The following SASH1 variants were observed in gnomAD, a reference collection of about 807,000 sequenced individuals.
The protein encoded by SASH1 is SAM and SH3 domain containing 1.
A neutral mutation model predicts 125.2 loss-of-function variants in SASH1; 44 were observed. The ratio of observed to expected loss-of-function variants is 0.35; its 90% CI spans 0.28 to 0.45. The LOEUF is 0.45. Ranked by LOEUF, SASH1 falls within the 20% of genes least tolerant of loss-of-function variation. SASH1 has a pLI of 1.00. For missense variants in SASH1, 1,426 were observed against 1,614.5 expected (o/e 0.88, Z 2.00); for synonymous variants, 639 against 649.1 (o/e 0.98, Z 0.24).
chr6:148,267,399 G>GTGTGTGTGTGTGTGTGTGTGTGTGTGTGT (rs55909678), upstream of SASH1, among the ~76,000 whole-genome samples: 4 of 142,088 alleles, frequency 2.8e-5, no homozygotes, highest in South Asian at 2.3e-4. Context: ...GTGTGTGTGA[G>GTGTGTGTGTGTGTGTGTGTGTGTGTGTGT]ATGGAGTCTC....
intron 7 of SASH1, among the ~76,000 whole-genome samples, chr6:148,476,293 A>T (rs1778340453): frequency 6.7e-6 from 1 of 150,162 alleles, no homozygotes; most frequent in Non-Finnish European, 1.5e-5. Context: ...AAAAAAAAAA[A>T]GGAAAGCTAT....
chr6:148,292,159 A>G (rs1021353492), intron 1 of SASH1, among the ~76,000 whole-genome samples: 1 of 152,218 alleles, frequency 6.6e-6, no homozygotes, highest in African/African-American at 2.4e-5. Context: ...GTCTTCTGTG[A>G]TGATCTTTTC....
chr6:148,542,489 C>T (rs1341377167), intron 17 of SASH1, among the ~76,000 whole-genome samples: 1 of 152,122 alleles, frequency 6.6e-6, no homozygotes, highest in Admixed American at 6.5e-5. Context: ...CGGGTTCATG[C>T]CATTCTCCCG....
intron 8 of SASH1, among the ~76,000 whole-genome samples, chr6:148,496,367 C>A (rs1443972696): frequency 6.6e-6 from 1 of 152,150 alleles, no homozygotes; most frequent in Non-Finnish European, 1.5e-5. Flanking sequence ...TAATAGTTGT[C>A]TTAGGCTCAT....
At chr6:148,253,972 A>G in the SASH1 span, among the ~76,000 whole-genome samples, 2 of 152,106 alleles carry the variant, frequency 1.3e-5, no homozygotes, top group Non-Finnish European at 2.9e-5. Context: ...TCGGCAGGTC[A>G]AGGTGGGCGG....
At chr6:148,478,345 T>TA (rs1778463171) in intron 7 of SASH1, among the ~76,000 whole-genome samples, 1 of 152,240 alleles carries the variant, frequency 6.6e-6, no homozygotes, top group African/African-American at 2.4e-5. Context: ...TACCCAGCCA[T>TA]AAAAAAGAAT....
chr6:148,348,134 G>A (rs576954437), intron 1 of SASH1, among the ~76,000 whole-genome samples: 1 of 152,212 alleles, frequency 6.6e-6, no homozygotes, highest in Admixed American at 6.5e-5. Context: ...AGCCTCCCAA[G>A]TAGCTGGGAT....
At chr6:148,502,915 ATC>A (rs1487382914) in intron 8 of SASH1, among the ~76,000 whole-genome samples, 2 of 152,130 alleles carry the variant, frequency 1.3e-5, no homozygotes, top group Non-Finnish European at 2.9e-5. Flanking sequence ...GAATTCCTAT[ATC>A]TCTGTGTTTT....
the SASH1 span, among the ~76,000 whole-genome samples, chr6:148,257,638 T>C: frequency 1.3e-5 from 2 of 149,076 alleles, no homozygotes; most frequent in Non-Finnish European, 3.0e-5. Context: ...CTTTTTTTTT[T>C]TTTTTTTTTT....
intron 1 of SASH1, among the ~76,000 whole-genome samples, chr6:148,385,048 C>G (rs1783304839): frequency 6.6e-6 from 1 of 152,160 alleles, no homozygotes; most frequent in Admixed American, 6.5e-5. Flanking sequence ...ATACATTCTT[C>G]TATTCTGTTG....
At chr6:148,501,267 A>G (rs996014871) in intron 8 of SASH1, among the ~76,000 whole-genome samples, 1 of 152,132 alleles carries the variant, frequency 6.6e-6, no homozygotes. Flanking sequence ...CTGATACATG[A>G]GTCATTCAGC....
chr6:148,434,269 G>T (rs1478923738), intron 2 of SASH1, among the ~76,000 whole-genome samples: 1 of 151,946 alleles, frequency 6.6e-6, no homozygotes, highest in African/African-American at 2.4e-5. Context: ...TAGAGATGGG[G>T]TTTCACCGTG....
At chr6:148,270,167 G>A (rs1779029099), upstream of SASH1, among the ~76,000 whole-genome samples, 1 of 152,170 alleles carries the variant, frequency 6.6e-6, no homozygotes, top group Non-Finnish European at 1.5e-5. Context: ...AAGGAAACAG[G>A]CCAGAAACAG....
At chr6:148,510,265 A>G (rs1400220564) in intron 8 of SASH1, among the ~76,000 whole-genome samples, 1 of 152,220 alleles carries the variant, frequency 6.6e-6, no homozygotes, top group East Asian at 1.9e-4. Context: ...TTCTGTTTAC[A>G]ATATTGGAAA....
chr6:148,340,490 CAA>C (rs67188759), upstream of SASH1, among the ~76,000 whole-genome samples: 11,579 of 117,276 alleles, frequency 0.099, 651 homozygotes, highest in East Asian at 0.35. Context: ...GACTCTGTCT[CAA>C]AAAAAAAAAA....
chr6:148,251,952 G>T, the SASH1 span, among the ~76,000 whole-genome samples: 1 of 150,570 alleles, frequency 6.6e-6, no homozygotes, highest in African/African-American at 2.4e-5. Flanking sequence ...TTGTCCTTGC[G>T]ATAGTTTACT....
rs71004291 is a variant in SASH1, at chr6:148,387,905, ATTTTT to A, written c.157-2206_157-2202del. Among the ~76,000 whole-genome samples, 19 of 54,022 alleles carry A rather than the reference ATTTTT, an allele frequency of 3.5e-4. 1 individual carries two copies. Among genetic ancestry groups the A allele is most frequent in the East Asian group, 1.0e-3 (2 of 1,940 alleles). 35.4% of individuals were successfully genotyped at this position (54,022 alleles called of 152,430 possible). On this transcript the variant is annotated intron_variant, in intron 1 of 19. Coordinates refer to ENST00000367467, the MANE Select transcript of SASH1 (RefSeq NM_015278.5). Reference sequence around the variant, plus strand: ...AGGTGCCCACTAATGCGCCCTGCTAATTTTTTTTTTTTTTTTTTTTTTTTTTTGAG... The same window carrying A: ...AGGTGCCCACTAATGCGCCCTGCTAATTTTTTTTTTTTTTTTTTTTTTGAG...
intron 1 of SASH1, among the ~76,000 whole-genome samples, chr6:148,304,483 C>T (rs1460198349): frequency 3.5e-5 from 5 of 142,514 alleles, no homozygotes; most frequent in Non-Finnish European, 7.5e-5. Context: ...TGGTGGTGGG[C>T]GCCTATAATC....
chr6:148,197,208 T>C, the SASH1 span, among the ~76,000 whole-genome samples: 1 of 152,174 alleles, frequency 6.6e-6, no homozygotes, highest in African/African-American at 2.4e-5. Context: ...TTACAGGACC[T>C]ACACATGAGA....
Sources: allele counts gnomAD v4.1 joint callset (sites outside exome capture counted in the v4.1 genomes callset), GRCh38; gene constraint gnomAD v4.1.1; transcripts MANE v1.5; gene names NCBI Gene and HGNC (gene_info 2026-07-23, HGNC 2026-07-21).